The following DOCK3 variants were observed in gnomAD, a reference collection of about 807,000 sequenced individuals.
DOCK3 encodes the protein dedicator of cytokinesis 3.
DOCK3 carries 60 observed loss-of-function variants against 265.6 expected under a neutral mutation model. The observed-to-expected ratio is 0.23, with a 90% CI of 0.18 to 0.28. The LOEUF (loss-of-function observed/expected upper bound fraction) is 0.28, where lower values mean the gene tolerates loss of function less well. DOCK3 is among the 10% of genes least tolerant of loss of function. DOCK3 has a pLI of 1.00. For missense variants in DOCK3, 1,981 were observed against 2,594.3 expected (o/e 0.76, Z 5.14); for synonymous variants, 881 against 938.0 (o/e 0.94, Z 1.11).
At chr3:51,312,731 C>A in intron 30 of DOCK3, 113 bp from the exon 31 acceptor site, 1 of 1,288,382 alleles carries the variant, frequency 7.8e-7, no homozygotes, top group Non-Finnish European at 1.1e-6. Flanking sequence ...AGGCTTAGCG[C>A]ATTGGGAAGC....
chr3:50,734,754 C>T (rs1399247965), intron 1 of DOCK3, among the ~76,000 whole-genome samples: 2 of 151,980 alleles, frequency 1.3e-5, no homozygotes, highest in Non-Finnish European at 2.9e-5. Flanking sequence ...AGGTGCCCGC[C>T]ACCATGTCTG....
chr3:50,804,985 A>G (rs570000415), intron 2 of DOCK3, among the ~76,000 whole-genome samples: 31 of 152,278 alleles, frequency 2.0e-4, no homozygotes, highest in African/African-American at 6.5e-4. Flanking sequence ...TAAGATTAAC[A>G]TTTAATTCTT....
chr3:51,233,353 TC>T (rs58060272), intron 19 of DOCK3, among the ~76,000 whole-genome samples: 138 of 13,578 alleles, frequency 0.01, no homozygotes, highest in South Asian at 0.035. Flanking sequence ...TATCTATCTA[TC>T]TATCTATTTA....
chr3:50,800,134 G>T (rs532864678), intron 2 of DOCK3, among the ~76,000 whole-genome samples: 1 of 152,170 alleles, frequency 6.6e-6, no homozygotes, highest in African/African-American at 2.4e-5. Flanking sequence ...GTTCATCAGG[G>T]ATATTGGCAT....
At chr3:50,701,127 GTTT>G (rs372596576) in intron 1 of DOCK3, among the ~76,000 whole-genome samples, 3 of 113,488 alleles carry the variant, frequency 2.6e-5, no homozygotes, top group Non-Finnish European at 3.7e-5. Flanking sequence ...TGTGGCCCTT[GTTT>G]TTTTTTTTTT....
intron 6 of DOCK3, among the ~76,000 whole-genome samples, chr3:51,074,952 A>G (rs552431470): frequency 2.4e-3 from 359 of 152,346 alleles, no homozygotes; most frequent in African/African-American, 8.3e-3. Context: ...ACTTTGAATT[A>G]CACCCTGAAG....
At position 50,681,135 on chromosome 3, in the gene DOCK3, G is replaced by A. The variant is rs185035579; in HGVS notation, c.37+5835G>A. ...TTTTTAATCATCTTAAGTCTATTCAGTAGACTTCAGATTTCTAGTTCGTTT... is the reference window on the plus strand; with the variant it reads ...TTTTTAATCATCTTAAGTCTATTCAATAGACTTCAGATTTCTAGTTCGTTT... On this transcript the variant is annotated intron_variant, in intron 1 of 52. Coordinates refer to ENST00000266037, the MANE Select transcript of DOCK3 (RefSeq NM_004947.5). Among the ~76,000 whole-genome samples, 114 of 152,178 alleles carry A rather than the reference G, an allele frequency of 7.5e-4. 1 individual carries two copies. The highest frequency in any genetic ancestry group is 1.3e-3 in the Non-Finnish European group (91 of 67,988).
chr3:50,790,166 C>T (rs1431165167), intron 2 of DOCK3, among the ~76,000 whole-genome samples: 1 of 152,136 alleles, frequency 6.6e-6, no homozygotes, highest in Non-Finnish European at 1.5e-5. Context: ...ATATCTTTTT[C>T]CACCTTTTTA....
intron 33 of DOCK3, among the ~76,000 whole-genome samples, 160 bp downstream of exon 33, chr3:51,330,383 G>C (rs2084435646): frequency 6.6e-6 from 1 of 152,172 alleles, no homozygotes; most frequent in African/African-American, 2.4e-5. Flanking sequence ...CTGTCAACAA[G>C]AAACCAAGGT....
At chr3:50,709,290 T>G (rs1340744025) in intron 1 of DOCK3, among the ~76,000 whole-genome samples, 1 of 152,198 alleles carries the variant, frequency 6.6e-6, no homozygotes, top group Non-Finnish European at 1.5e-5. Flanking sequence ...ATAGTTTTTT[T>G]TTAGTGGATT....
At position 51,090,437 on chromosome 3, in the gene DOCK3, A is replaced by C; in HGVS notation, c.746+53A>C. ...GTTCTATGTTAGGATGGTATGGGTC[A>C]TAGGCATCTCTGGCCATCAGAGAAG... On this transcript the variant is annotated intron_variant, in intron 9 of 52. Coordinates refer to ENST00000266037, the MANE Select transcript of DOCK3 (RefSeq NM_004947.5). 9.2e-6 allele frequency: 14 copies of C among 1,521,468 alleles called. No homozygotes were observed. In the South Asian group the frequency reaches 1.7e-4, roughly 18 times the overall value. 94.2% of individuals were successfully genotyped at this position (1,521,468 alleles called of 1,614,324 possible). A position where few individuals can be genotyped will look rare whatever the true frequency, so the allele number is the denominator to read the frequency against.
chr3:51,129,175 A>G (rs891041323), intron 9 of DOCK3, among the ~76,000 whole-genome samples: 1 of 152,212 alleles, frequency 6.6e-6, no homozygotes, highest in Admixed American at 6.5e-5. Context: ...TTCTCCTTCC[A>G]TGCAAAGTGC....
At chr3:50,964,115 A>C (rs1335513538) in intron 5 of DOCK3, among the ~76,000 whole-genome samples, 1 of 152,230 alleles carries the variant, frequency 6.6e-6, no homozygotes, top group East Asian at 1.9e-4. Context: ...ATACTCAGGA[A>C]GGACTTGCTT....
intron 2 of DOCK3, among the ~76,000 whole-genome samples, chr3:50,819,387 T>C (rs1036763522): frequency 5.9e-5 from 9 of 152,236 alleles, no homozygotes; most frequent in Non-Finnish European, 1.2e-4. Context: ...CTGATTTTTT[T>C]CTGAATCATA....
chr3:51,337,210 A>G (rs1395492021), intron 35 of DOCK3, among the ~76,000 whole-genome samples: 1 of 152,230 alleles, frequency 6.6e-6, no homozygotes, highest in Non-Finnish European at 1.5e-5. Flanking sequence ...CAGGAAGGAC[A>G]TTTGGCTTTG....
chr3:51,078,429 CAT>C (rs2082124173), intron 7 of DOCK3, among the ~76,000 whole-genome samples: 1 of 152,046 alleles, frequency 6.6e-6, no homozygotes, highest in Non-Finnish European at 1.5e-5. Flanking sequence ...CTGAAGGAAT[CAT>C]ATTAAAAACT....
intron 4 of DOCK3, among the ~76,000 whole-genome samples, chr3:50,900,283 T>C (rs895101195): frequency 6.6e-6 from 1 of 152,244 alleles, no homozygotes; most frequent in African/African-American, 2.4e-5. Context: ...TTGATACTTG[T>C]GTATGCTTCA....
intron 1 of DOCK3, among the ~76,000 whole-genome samples, chr3:50,748,893 T>C (rs1559588567): frequency 6.6e-6 from 1 of 152,220 alleles, no homozygotes; most frequent in Non-Finnish European, 1.5e-5. Context: ...AGGAGTGTTA[T>C]GGTGACCTTT....
intron 4 of DOCK3, among the ~76,000 whole-genome samples, chr3:50,918,109 G>A (rs1412832920): frequency 6.6e-6 from 1 of 152,050 alleles, no homozygotes; most frequent in Admixed American, 6.6e-5. Context: ...TTATGGCTGT[G>A]TAGTATTCCA....
Sources: allele counts gnomAD v4.1 joint callset (sites outside exome capture counted in the v4.1 genomes callset), GRCh38; gene constraint gnomAD v4.1.1; transcripts MANE v1.5; gene names NCBI Gene and HGNC (gene_info 2026-07-23, HGNC 2026-07-21).